Variants in TENM3 observed in about 807,000 individuals in gnomAD.
TENM3 encodes teneurin-3.
In TENM3, 63 loss-of-function variants were observed where a neutral mutation model predicts 255.1. That is an observed-to-expected ratio of 0.25 (90% CI 0.20 to 0.30). TENM3 has a LOEUF of 0.30. Ranked by LOEUF, TENM3 falls within the 10% of genes least tolerant of loss-of-function variation. The pLI, the probability that TENM3 is intolerant of heterozygous loss-of-function variation, is 1.00. For synonymous variants in TENM3, 1,306 were observed against 1,322.3 expected (o/e 0.99, Z 0.27); for missense variants, 2,929 against 3,461.1 (o/e 0.85, Z 3.86).
chr4:181,781,830 G>T, the TENM3 span, among the ~76,000 whole-genome samples: 1 of 152,138 alleles, frequency 6.6e-6, no homozygotes, highest in South Asian at 2.1e-4. Flanking sequence ...TAGCATGAAG[G>T]GCTGTTGAAT....
the TENM3 span, among the ~76,000 whole-genome samples, chr4:181,605,368 T>G: frequency 6.7e-6 from 1 of 149,804 alleles, no homozygotes; most frequent in African/African-American, 2.5e-5. Context: ...TCTCTTAACC[T>G]GGAAGGCGGA....
chr4:182,112,051 A>G, the TENM3 span, among the ~76,000 whole-genome samples: 12,523 of 152,144 alleles, frequency 0.082, 575 homozygotes, highest in East Asian at 0.12. Flanking sequence ...CGGCTTTAGG[A>G]AACCAAGGCC....
intron 11 of TENM3, among the ~76,000 whole-genome samples, chr4:182,687,878 A>G (rs1473645689): frequency 1.3e-5 from 2 of 152,150 alleles, no homozygotes; most frequent in Non-Finnish European, 2.9e-5. Flanking sequence ...TATATAAAGT[A>G]TTGTATATGT....
chr4:182,439,291 C>T lies in TENM3; in HGVS notation c.511+92362C>T, dbSNP rs113763377. On this transcript the variant is annotated intron_variant, in intron 3 of 27. Coordinates refer to ENST00000511685, the MANE Select transcript of TENM3 (RefSeq NM_001080477.4). Reference sequence around the variant, plus strand: ...TCCTCTTTTTAGAGAACTCTCTTCTCCTATATTACTTACTGTGTATGTTTC... The same window carrying T: ...TCCTCTTTTTAGAGAACTCTCTTCTTCTATATTACTTACTGTGTATGTTTC... Among the ~76,000 whole-genome samples the T allele has an allele frequency of 2.2e-3, 329 of 152,296 alleles. 2 individuals carry two copies. The highest frequency in any genetic ancestry group is 7.7e-3 in the African/African-American group (322 of 41,564).
chr4:181,840,085 G>T, the TENM3 span, among the ~76,000 whole-genome samples: 2 of 151,764 alleles, frequency 1.3e-5, no homozygotes, highest in Middle Eastern at 6.8e-3. Flanking sequence ...TGTTTTTATT[G>T]CCTTTTGTCT....
the TENM3 span, among the ~76,000 whole-genome samples, chr4:181,919,477 C>T: frequency 3.3e-5 from 5 of 151,676 alleles, no homozygotes; most frequent in Admixed American, 3.3e-4. Flanking sequence ...TTTTTAAAGC[C>T]AAACCTGAGG....
the TENM3 span, among the ~76,000 whole-genome samples, chr4:181,838,971 C>A: frequency 1.3e-5 from 2 of 151,656 alleles, no homozygotes; most frequent in Non-Finnish European, 3.0e-5. Flanking sequence ...TCTTAGTCTT[C>A]TTTTCTAATA....
chr4:181,751,599 T>C, the TENM3 span, among the ~76,000 whole-genome samples: 3 of 139,588 alleles, frequency 2.1e-5, no homozygotes, highest in African/African-American at 7.5e-5. Flanking sequence ...CCTCGCTGAT[T>C]ACACATTTTC....
chr4:182,299,165 C>CA (rs1761699043), intron 1 of TENM3, among the ~76,000 whole-genome samples: 1 of 151,682 alleles, frequency 6.6e-6, no homozygotes, highest in Non-Finnish European at 1.5e-5. Flanking sequence ...TAATCTGTAA[C>CA]AAATTCTCAA....
At chr4:182,131,932 T>C in the TENM3 span, among the ~76,000 whole-genome samples, 1 of 152,286 alleles carries the variant, frequency 6.6e-6, no homozygotes, top group East Asian at 1.9e-4. Flanking sequence ...TACCAACTTC[T>C]ACAAGCTAAA....
chr4:182,183,809 T>G (rs773889704), intron 1 of TENM3, among the ~76,000 whole-genome samples: 18 of 152,214 alleles, frequency 1.2e-4, no homozygotes, highest in Non-Finnish European at 2.1e-4. Flanking sequence ...TTGTTTTTTA[T>G]TCAAGTGTTC....
At chr4:182,313,026 C>A (rs1055349393) in intron 1 of TENM3, among the ~76,000 whole-genome samples, 1 of 152,106 alleles carries the variant, frequency 6.6e-6, no homozygotes, top group African/African-American at 2.4e-5. Context: ...TATTTTCAAA[C>A]CATGCAAATG....
chr4:182,037,906 A>G, the TENM3 span, among the ~76,000 whole-genome samples: 30 of 152,044 alleles, frequency 2.0e-4, no homozygotes, highest in African/African-American at 7.2e-4. Flanking sequence ...ATCATAGCTC[A>G]CTGCAGCCTC....
the TENM3 span, among the ~76,000 whole-genome samples, chr4:181,918,435 T>A: frequency 6.6e-6 from 1 of 152,192 alleles, no homozygotes; most frequent in Non-Finnish European, 1.5e-5. Context: ...TTCTTCATTA[T>A]CTTAGTCTAC....
At chr4:182,779,074 T>C (rs1202338515) in intron 24 of TENM3, among the ~76,000 whole-genome samples, 3 of 149,024 alleles carry the variant, frequency 2.0e-5, no homozygotes, top group African/African-American at 5.1e-5. Context: ...TTTTTTATTA[T>C]ACTTTAAGTT....
the TENM3 span, among the ~76,000 whole-genome samples, chr4:182,067,341 A>G: frequency 6.6e-6 from 1 of 152,108 alleles, no homozygotes; most frequent in South Asian, 2.1e-4. Context: ...GCTGCATGAA[A>G]CTTCAGCAGC....
At chr4:182,710,031 A>T (rs965317332) in intron 12 of TENM3, among the ~76,000 whole-genome samples, 20 of 152,220 alleles carry the variant, frequency 1.3e-4, no homozygotes, top group Non-Finnish European at 2.1e-4. Flanking sequence ...TGGCAAAAAT[A>T]ATCTGATTGG....
chr4:181,532,907 T>C, the TENM3 span, among the ~76,000 whole-genome samples: 1 of 152,362 alleles, frequency 6.6e-6, no homozygotes, highest in East Asian at 1.9e-4. Context: ...CCCTTTTTGA[T>C]GATTTTCTTA....
At position 182,738,420 on chromosome 4, in the gene TENM3, T is replaced by C. The variant is rs1761339067; in HGVS notation, c.3255T>C (p.Tyr1085=). ...TTCCAGTGTCAGTTGGATATGAGTA[T>C]GAGTCGTGTTTGGACCTGACTCTGT... ...SEAVVSVGYE[Y]ESCLDLTLWE... is the part of the protein sequence containing the mutation. Residue 1085 remains tyrosine, a synonymous_variant, in exon 18 of 28, where the codon TAT becomes TAC. Coordinates refer to ENST00000511685, the MANE Select transcript of TENM3 (RefSeq NM_001080477.4). The C allele has an allele frequency of 6.2e-7, 1 of 1,612,144 alleles. No homozygotes were observed. The highest frequency in any genetic ancestry group is 8.5e-7 in the Non-Finnish European group (1 of 1,179,080).
Sources: allele counts gnomAD v4.1 joint callset (sites outside exome capture counted in the v4.1 genomes callset), GRCh38; gene constraint gnomAD v4.1.1; transcripts MANE v1.5; gene names NCBI Gene and HGNC (gene_info 2026-07-23, HGNC 2026-07-21).